Variants in KCNQ5 observed in about 807,000 individuals in gnomAD.
KCNQ5 encodes potassium voltage-gated channel subfamily KQT member 5.
KCNQ5 carries 30 observed loss-of-function variants against 98.2 expected under a neutral mutation model. The ratio of observed to expected loss-of-function variants is 0.31; its 90% CI spans 0.23 to 0.41. The LOEUF (loss-of-function observed/expected upper bound fraction) is 0.41, where lower values mean the gene tolerates loss of function less well. KCNQ5 is among the 10% of genes least tolerant of loss of function. The pLI, the probability that KCNQ5 is intolerant of heterozygous loss-of-function variation, is 1.00. For synonymous variants in KCNQ5, 458 were observed against 449.4 expected (o/e 1.02, Z -0.24); for missense variants, 835 against 1,182.5 (o/e 0.71, Z 4.31).
intron 6 of KCNQ5, among the ~76,000 whole-genome samples, chr6:73,107,720 AT>A (rs1775062141): frequency 6.6e-6 from 1 of 152,238 alleles, no homozygotes; most frequent in African/African-American, 2.4e-5. Context: ...AATGTTTCCA[AT>A]AAAGTAAGTA....
intron 2 of KCNQ5, among the ~76,000 whole-genome samples, chr6:73,035,985 TTGTGTGTG>T (rs70994155): frequency 0.087 from 12,279 of 140,486 alleles, 578 homozygotes; most frequent in Middle Eastern, 0.14. Context: ...TTGAATACAT[TTGTGTGTG>T]TGTGTGTGTG....
chr6:72,635,739 C>T (rs981682685), intron 1 of KCNQ5, among the ~76,000 whole-genome samples: 1 of 147,466 alleles, frequency 6.8e-6, no homozygotes, highest in Non-Finnish European at 1.5e-5. Context: ...TGTTTCTCCC[C>T]ATTTCTTTGT....
At position 72,852,640 on chromosome 6, in the gene KCNQ5, AATATAT is replaced by A. The variant is rs140435793; in HGVS notation, c.399-151252_399-151247del. 2.6e-4 allele frequency among the ~76,000 whole-genome samples: 15 copies of A among 56,802 alleles called. 3 individuals are homozygous for A. Among genetic ancestry groups the A allele is most frequent in the African/African-American group, 8.0e-4 (9 of 11,288 alleles). The allele number at this position is 56,802 out of a possible 152,430, so 37.3% of individuals were successfully genotyped here. ...AGTGGAGAGAAGGAGATGAAGGGGA[AATATAT>A]ATATATATATATATAAATGGCACTT... On this transcript the variant is annotated intron_variant, in intron 1 of 13. Transcript: ENST00000370398.
At chr6:72,687,835 CTTTTTT>C (rs531246586) in intron 1 of KCNQ5, among the ~76,000 whole-genome samples, 1 of 135,974 alleles carries the variant, frequency 7.4e-6, no homozygotes, top group Non-Finnish European at 1.6e-5. Flanking sequence ...TTATTGATCC[CTTTTTT>C]TTTTTTTTTT....
At chr6:72,664,145 A>C (rs1309795212) in intron 1 of KCNQ5, among the ~76,000 whole-genome samples, 2 of 152,182 alleles carry the variant, frequency 1.3e-5, no homozygotes, top group Non-Finnish European at 2.9e-5. Context: ...AGTGAACAGA[A>C]AGTGTTAGGA....
At chr6:72,981,447 G>T (rs6921584) in intron 1 of KCNQ5, among the ~76,000 whole-genome samples, 17,235 of 152,134 alleles carry the variant, frequency 0.11, 1,320 homozygotes, top group East Asian at 0.2. Flanking sequence ...TATTTGCAGA[G>T]AGGTGTTTAT....
At chr6:72,777,792 C>T (rs1773234125) in intron 1 of KCNQ5, among the ~76,000 whole-genome samples, 1 of 152,084 alleles carries the variant, frequency 6.6e-6, no homozygotes, top group Non-Finnish European at 1.5e-5. Flanking sequence ...TCAGGTATAC[C>T]CCATAGAGGC....
intron 3 of KCNQ5, among the ~76,000 whole-genome samples, chr6:73,046,063 G>T (rs182848477): frequency 1.3e-4 from 20 of 152,140 alleles, no homozygotes; most frequent in Admixed American, 1.2e-3. Context: ...ACATGGCTGA[G>T]ACTACTCTAA....
At chr6:73,132,749 A>C (rs1776285314) in intron 9 of KCNQ5, among the ~76,000 whole-genome samples, 1 of 152,252 alleles carries the variant, frequency 6.6e-6, no homozygotes, top group South Asian at 2.1e-4. Flanking sequence ...GTTAGTGAAC[A>C]TAACATCTCA....
intron 10 of KCNQ5, among the ~76,000 whole-genome samples, chr6:73,153,551 T>TAATC (rs1222904707): frequency 1.3e-5 from 2 of 152,286 alleles, no homozygotes; most frequent in South Asian, 2.1e-4. Context: ...CAACAAAAAG[T>TAATC]AATCAAGTTC....
At chr6:72,694,753 T>C (rs1768397400) in intron 1 of KCNQ5, among the ~76,000 whole-genome samples, 1 of 152,204 alleles carries the variant, frequency 6.6e-6, no homozygotes, top group African/African-American at 2.4e-5. Flanking sequence ...AGGACATACA[T>C]ATGTGACTTT....
At chr6:72,930,571 C>T (rs1305163913) in intron 1 of KCNQ5, among the ~76,000 whole-genome samples, 3 of 96,908 alleles carry the variant, frequency 3.1e-5, no homozygotes, top group African/African-American at 1.3e-4. Flanking sequence ...GACATATGGA[C>T]ATTTTACCAA....
Position 72,931,887 on chromosome 6 carries a change from A to AT in KCNQ5, c.399-72020dup, listed in dbSNP as rs571308508. ...CCCAAAGGCTAGAGTTGAGGGAGGAATACTGGACTGAAAACAGGCAGGTAA... is the reference window on the plus strand; with the variant it reads ...CCCAAAGGCTAGAGTTGAGGGAGGAATTACTGGACTGAAAACAGGCAGGTAA... On this transcript the variant is annotated intron_variant, in intron 1 of 13. Coordinates refer to ENST00000370398, the MANE Select transcript of KCNQ5 (RefSeq NM_019842.4). 2.8e-3 allele frequency among the ~76,000 whole-genome samples: 430 copies of AT among 152,306 alleles called. 2 individuals carry two copies. Among genetic ancestry groups the AT allele is most frequent in the Non-Finnish European group, 3.0e-3 (207 of 68,032 alleles).
In KCNQ5 at chr6:73,003,992, G is replaced by A. The variant is rs773566564; in HGVS notation, c.483G>A (p.Leu161=). Residue 161 remains leucine, a synonymous_variant, in exon 2 of 14, where the codon TTG becomes TTA. Transcript: ENST00000370398. ...CAAAATTGGCCTCAAGTTGCCTCTT[G>A]ATCCTGGTAAGTGAAACATGAACAA... is the stretch of plus-strand genomic sequence containing the variant. ...EHTKLASSCL[L]ILEFVMIVVF... is the part of the protein sequence containing the mutation. 40 of 1,591,736 alleles carry A rather than the reference G, an allele frequency of 2.5e-5. No homozygotes were observed. Among genetic ancestry groups the A allele is most frequent in the Non-Finnish European group, 3.3e-5 (38 of 1,160,128 alleles).
intron 5 of KCNQ5, among the ~76,000 whole-genome samples, chr6:73,084,410 C>G (rs1252265879): frequency 3.3e-5 from 5 of 152,156 alleles, no homozygotes; most frequent in African/African-American, 1.2e-4. Flanking sequence ...AGCTCTGGCT[C>G]TTTAACTTCA....
chr6:72,766,687 C>G (rs968053791), intron 1 of KCNQ5, among the ~76,000 whole-genome samples: 1 of 151,700 alleles, frequency 6.6e-6, no homozygotes, highest in Non-Finnish European at 1.5e-5. Flanking sequence ...AGGCTTTTGT[C>G]CTGAACAATT....
chr6:73,044,541 T>C (rs1280705274), intron 3 of KCNQ5, among the ~76,000 whole-genome samples: 2 of 152,204 alleles, frequency 1.3e-5, no homozygotes, highest in African/African-American at 4.8e-5. Flanking sequence ...GTGAAGCATG[T>C]TCAAATGTGG....
At chr6:72,908,797 A>G (rs532424200) in intron 1 of KCNQ5, among the ~76,000 whole-genome samples, 2 of 152,156 alleles carry the variant, frequency 1.3e-5, no homozygotes, top group South Asian at 2.1e-4. Flanking sequence ...GATATTCAGG[A>G]TAGTTTAATT....
At chr6:72,772,993 T>C (rs1772975187) in intron 1 of KCNQ5, among the ~76,000 whole-genome samples, 1 of 152,196 alleles carries the variant, frequency 6.6e-6, no homozygotes, top group Non-Finnish European at 1.5e-5. Context: ...TTTGTTTGCA[T>C]GTCACGGATA....
Sources: allele counts gnomAD v4.1 joint callset (sites outside exome capture counted in the v4.1 genomes callset), GRCh38; gene constraint gnomAD v4.1.1; transcripts MANE v1.5; gene names NCBI Gene and HGNC (gene_info 2026-07-23, HGNC 2026-07-21).